Variants in SLC45A2 observed in about 807,000 individuals in gnomAD.
SLC45A2 encodes membrane-associated transporter protein.
SLC45A2 carries 36 observed loss-of-function variants against 45.5 expected under a neutral mutation model. The observed-to-expected ratio is 0.79, with a 90% CI of 0.61 to 1.04. The LOEUF (loss-of-function observed/expected upper bound fraction) is 1.04. Among genes scored for constraint, SLC45A2 ranks in the 50% least tolerant of loss-of-function variants. SLC45A2 has a pLI of 0.00. For missense variants in SLC45A2, 719 were observed against 671.0 expected, an observed-to-expected ratio of 1.07 and a Z score of -0.79; for synonymous variants, 306 against 269.3, an observed-to-expected ratio of 1.14 and a Z score of -1.33.
intron 2 of SLC45A2, chr5:33,971,383 G>C: frequency 2.1e-6 from 1 of 480,538 alleles, no homozygotes; most frequent in Non-Finnish European, 4.1e-6. Context: ...CCATAAACAG[G>C]AAAAACACTC....
intron 2 of SLC45A2, among the ~76,000 whole-genome samples, chr5:33,980,921 T>C (rs1427739802): frequency 6.6e-6 from 1 of 152,094 alleles, no homozygotes; most frequent in Non-Finnish European, 1.5e-5. Flanking sequence ...TGGGATTATA[T>C]GGGGAAGGGT....
chr5:33,982,185 T>A (rs1288153594), intron 2 of SLC45A2, 51 bp downstream of exon 2: 4 of 1,601,114 alleles, frequency 2.5e-6, no homozygotes, highest in Non-Finnish European at 2.6e-6. Context: ...TTAGTGGAAG[T>A]GCCTCATTGT....
chr5:33,981,821 T>C (rs1753080932), intron 2 of SLC45A2, among the ~76,000 whole-genome samples: 1 of 152,210 alleles, frequency 6.6e-6, no homozygotes, highest in East Asian at 1.9e-4. Context: ...AAAATACAAA[T>C]GTCTGGGCCC....
intron 3 of SLC45A2, among the ~76,000 whole-genome samples, chr5:33,961,896 A>C (rs114509766): frequency 6.6e-6 from 1 of 152,174 alleles, no homozygotes; most frequent in Non-Finnish European, 1.5e-5. Flanking sequence ...CTAAGGAGCA[A>C]CTTTGGCTGG....
chr5:33,982,512 G>T, intron 1 of SLC45A2, 100 bp from the exon 2 acceptor site: 1 of 1,226,484 alleles, frequency 8.2e-7, no homozygotes. Flanking sequence ...CATCTTCCTT[G>T]CTTTTATTTT....
chr5:33,946,923 C>T, intron 6 of SLC45A2: 1 of 1,431,804 alleles, frequency 7.0e-7, no homozygotes, highest in Non-Finnish European at 9.1e-7. Context: ...AGTAACACTT[C>T]TTGCCCTACA....
chr5:33,961,969 A>G (rs1752470523), intron 3 of SLC45A2, among the ~76,000 whole-genome samples: 1 of 152,118 alleles, frequency 6.6e-6, no homozygotes, highest in African/African-American at 2.4e-5. Context: ...GAGGCTTCCT[A>G]CCCTATCCTC....
At chr5:33,953,244 G>C (rs1009806368) in intron 4 of SLC45A2, among the ~76,000 whole-genome samples, 1 of 132,062 alleles carries the variant, frequency 7.6e-6, no homozygotes, top group East Asian at 2.1e-4. Flanking sequence ...GGTATTTCTA[G>C]TTCTAGATCC....
At chr5:33,960,350 G>A (rs771390648) in intron 3 of SLC45A2, among the ~76,000 whole-genome samples, 36 of 151,746 alleles carry the variant, frequency 2.4e-4, no homozygotes, top group African/African-American at 6.8e-4. Context: ...TTGGTTCCAC[G>A]TTTTTGCAAT....
chr5:33,970,583 G>GTTGC (rs1752749560), intron 2 of SLC45A2, among the ~76,000 whole-genome samples: 2 of 152,124 alleles, frequency 1.3e-5, no homozygotes, highest in African/African-American at 4.8e-5. Context: ...TGGTTGGTTG[G>GTTGC]TTGGTTGGTT....
At chr5:33,954,217 C>T in intron 4 of SLC45A2, 144 bp downstream of exon 4, 6 of 1,155,564 alleles carry the variant, frequency 5.2e-6, no homozygotes, top group Admixed American at 2.0e-5. Flanking sequence ...TTTTCTACAC[C>T]TGTCTGTAAG....
chr5:33,976,610 AT>A (rs1397469164), intron 2 of SLC45A2, among the ~76,000 whole-genome samples: 5 of 151,556 alleles, frequency 3.3e-5, no homozygotes, highest in Admixed American at 6.6e-5. Flanking sequence ...GGTGGGGGAG[AT>A]TTTTTTCCCC....
intron 2 of SLC45A2, among the ~76,000 whole-genome samples, chr5:33,964,386 C>T (rs1170603201): frequency 6.6e-6 from 1 of 152,200 alleles, no homozygotes; most frequent in African/African-American, 2.4e-5. Flanking sequence ...TTCCAAAGTG[C>T]ATTCTCTAGA....
chr5:33,975,940 G>A (rs892531077), intron 2 of SLC45A2, among the ~76,000 whole-genome samples: 3 of 152,002 alleles, frequency 2.0e-5, no homozygotes, highest in African/African-American at 7.2e-5. Flanking sequence ...AAACAAACAA[G>A]AGCTATGGAC....
intron 2 of SLC45A2, among the ~76,000 whole-genome samples, chr5:33,966,420 C>A (rs1258623549): frequency 6.8e-6 from 1 of 148,136 alleles, no homozygotes; most frequent in Non-Finnish European, 1.5e-5. Context: ...ATGGGAGAAG[C>A]TACTTTCTTT....
In SLC45A2 at chr5:33,947,072, C is replaced by T. The variant is rs112629844; in HGVS notation, c.1368+91G>A. ...TTGCTGTTTCAAGAACCCTTATTTT[C>T]CAGCTCTGCTCTACACATTGCTACC... On this transcript the variant is annotated intron_variant, in intron 6 of 6. Coordinates refer to ENST00000296589, the MANE Select transcript of SLC45A2 (RefSeq NM_016180.5). The T allele has an allele frequency of 3.1e-5, 50 of 1,613,166 alleles. 2 individuals carry two copies. Among genetic ancestry groups the T allele is most frequent in the African/African-American group, 3.1e-4 (23 of 75,014 alleles).
intron 2 of SLC45A2, among the ~76,000 whole-genome samples, chr5:33,976,625 C>A (rs1288107308): frequency 6.6e-6 from 1 of 152,224 alleles, no homozygotes; most frequent in African/African-American, 2.4e-5. Context: ...TTTCCCCTCC[C>A]TGCAGGACAG....
chr5:33,972,879 C>T (rs1752827997), intron 2 of SLC45A2, among the ~76,000 whole-genome samples: 1 of 152,108 alleles, frequency 6.6e-6, no homozygotes, highest in African/African-American at 2.4e-5. Context: ...TTCGTATTTG[C>T]TAGGTGAGCA....
intron 5 of SLC45A2, among the ~76,000 whole-genome samples, chr5:33,947,803 G>T (rs1053130750): frequency 1.3e-4 from 20 of 152,300 alleles, no homozygotes; most frequent in African/African-American, 4.6e-4. Flanking sequence ...CCAAAGTCAG[G>T]TTGGGGAAAA....
Sources: gnomAD v4.1 joint callset for allele counts (sites outside exome capture counted in the v4.1 genomes callset) on GRCh38, gnomAD v4.1.1 for gene constraint, MANE v1.5 for transcripts, NCBI Gene and HGNC (gene_info 2026-07-23, HGNC 2026-07-21) for gene names.